The following PCSK2 variants were observed in gnomAD, a reference collection of about 807,000 sequenced individuals.
PCSK2 encodes proprotein convertase subtilisin/kexin type 2, also known as neuroendocrine convertase 2.
A neutral mutation model predicts 69.7 loss-of-function variants in PCSK2; 14 were observed. The ratio of observed to expected loss-of-function variants is 0.20; its 90% CI spans 0.13 to 0.31. The LOEUF (loss-of-function observed/expected upper bound fraction) is 0.31, where lower values mean the gene tolerates loss of function less well. PCSK2 is among the 10% of genes least tolerant of loss of function. The probability of loss-of-function intolerance (pLI) is 1.00; values close to 1 mark genes in which losing one functional copy is unlikely to be tolerated. For synonymous variants in PCSK2, 307 were observed against 320.7 expected (o/e 0.96, Z 0.46); for missense variants, 544 against 842.5 (o/e 0.65, Z 4.39).
At chr20:17,392,732 A>G (rs1395778320) in intron 5 of PCSK2, among the ~76,000 whole-genome samples, 3 of 152,174 alleles carry the variant, frequency 2.0e-5, no homozygotes, top group East Asian at 3.9e-4. Flanking sequence ...TTCTTTATCA[A>G]TGTGGTTGCA....
intron 2 of PCSK2, among the ~76,000 whole-genome samples, chr20:17,294,405 C>T (rs561182668): frequency 8.9e-4 from 135 of 152,344 alleles, no homozygotes; most frequent in African/African-American, 3.1e-3. Context: ...CGCGCCCGGC[C>T]TGCAGTCCTC....
At chr20:17,268,031 G>GTATATATATATATATATATATATA (rs750234336) in intron 2 of PCSK2, among the ~76,000 whole-genome samples, 3 of 117,900 alleles carry the variant, frequency 2.5e-5, no homozygotes, top group Non-Finnish European at 5.7e-5. Flanking sequence ...TATATCCAAT[G>GTATATATATATATATATATATATA]TGTATATATA....
intron 2 of PCSK2, among the ~76,000 whole-genome samples, chr20:17,277,750 A>T (rs1056858585): frequency 6.6e-6 from 1 of 152,024 alleles, no homozygotes; most frequent in Non-Finnish European, 1.5e-5. Context: ...GCTTCTGCAC[A>T]GCAAAAGAAA....
chr20:17,451,527 C>T (rs1216560472), intron 8 of PCSK2, among the ~76,000 whole-genome samples: 1 of 152,100 alleles, frequency 6.6e-6, no homozygotes, highest in Non-Finnish European at 1.5e-5. Flanking sequence ...CAACGGAGTT[C>T]TGGGAGAGAT....
chr20:17,434,079 C>A lies in PCSK2; in HGVS notation c.710-2629C>A, dbSNP rs145743731. Among the ~76,000 whole-genome samples, 336 of 145,096 alleles carry A rather than the reference C, an allele frequency of 2.3e-3. 4 individuals carry two copies. The highest frequency in any genetic ancestry group is 0.021 in the Admixed American group (312 of 14,628). ...CTCTCTCTCTGTCCTCTCCTTCTCT[C>A]TCTACCTTCTCTCTCTCTCCCACTC... On this transcript the variant is annotated intron_variant, in intron 7 of 11. Transcript: ENST00000262545.
intron 6 of PCSK2, among the ~76,000 whole-genome samples, chr20:17,415,386 C>T (rs981853122): frequency 6.6e-6 from 1 of 152,142 alleles, no homozygotes; most frequent in African/African-American, 2.4e-5. Context: ...TTTCTATACA[C>T]CAATAACAGA....
At chr20:17,479,230 A>G in intron 11 of PCSK2, 6 of 1,291,454 alleles carry the variant, frequency 4.6e-6, no homozygotes, top group Non-Finnish European at 6.7e-6. Context: ...ACCACTGCAC[A>G]TTTCACAATA....
At chr20:17,347,789 AAAGAAAGAAAGAAAG>A (rs1990689929) in intron 2 of PCSK2, among the ~76,000 whole-genome samples, 2 of 20,898 alleles carry the variant, frequency 9.6e-5, no homozygotes, top group East Asian at 7.1e-4. Context: ...CACATAGACG[AAAGAAAGAAAGAAAG>A]AAAGAAAGAA....
At chr20:17,378,482 T>C (rs1302178506) in intron 5 of PCSK2, among the ~76,000 whole-genome samples, 1 of 152,220 alleles carries the variant, frequency 6.6e-6, no homozygotes, top group Non-Finnish European at 1.5e-5. Context: ...ACCAGGGTAA[T>C]GTCTTCCAAC....
intron 5 of PCSK2, among the ~76,000 whole-genome samples, chr20:17,395,414 T>A (rs6075204): frequency 6.6e-6 from 1 of 152,200 alleles, no homozygotes; most frequent in Non-Finnish European, 1.5e-5. Flanking sequence ...CACAGTCTTG[T>A]ACATTTTTTT....
rs141041334 is a variant in PCSK2 at position 17,302,903 on chromosome 20, T to C, written c.282+42559T>C. On this transcript the variant is annotated intron_variant, in intron 2 of 11. Coordinates refer to ENST00000262545, the MANE Select transcript of PCSK2 (RefSeq NM_002594.5). ...GAGCTCCCTTCCTTGTTTTTGAACA[T>C]GGAGATATATTTAATATTACCCTTT... Among the ~76,000 whole-genome samples, 24 of 152,314 alleles carry C rather than the reference T, an allele frequency of 1.6e-4. No individual in the cohort carries two copies. The East Asian group carries it at 4.4e-3, about 28-fold the overall frequency.
chr20:17,304,228 A>G (rs1419533824), intron 2 of PCSK2, among the ~76,000 whole-genome samples: 1 of 152,130 alleles, frequency 6.6e-6, no homozygotes, highest in African/African-American at 2.4e-5. Context: ...TTTTATTATG[A>G]CCTATTGTAA....
chr20:17,291,121 T>C (rs1988680152), intron 2 of PCSK2, among the ~76,000 whole-genome samples: 1 of 151,262 alleles, frequency 6.6e-6, no homozygotes, highest in South Asian at 2.1e-4. Flanking sequence ...TCAAAAATAA[T>C]ATATATAGGT....
chr20:17,287,097 A>G (rs1988537849), intron 2 of PCSK2, among the ~76,000 whole-genome samples: 1 of 152,102 alleles, frequency 6.6e-6, no homozygotes, highest in African/African-American at 2.4e-5. Flanking sequence ...AGACCCACCC[A>G]TATTTTGAGG....
At chr20:17,327,323 C>T (rs565460437) in intron 2 of PCSK2, among the ~76,000 whole-genome samples, 2 of 152,160 alleles carry the variant, frequency 1.3e-5, no homozygotes, top group Non-Finnish European at 2.9e-5. Flanking sequence ...AAGAAGTCTG[C>T]TCCCGGTGGG....
intron 1 of PCSK2, among the ~76,000 whole-genome samples, chr20:17,236,790 C>G (rs994552967): frequency 5.3e-5 from 8 of 152,074 alleles, no homozygotes; most frequent in Admixed American, 1.3e-4. Flanking sequence ...AAAAAATTGG[C>G]AGGGGAAGTC....
At chr20:17,388,666 C>T (rs1011729699) in intron 5 of PCSK2, among the ~76,000 whole-genome samples, 1 of 152,028 alleles carries the variant, frequency 6.6e-6, no homozygotes, top group Non-Finnish European at 1.5e-5. Flanking sequence ...ACAGGAAATT[C>T]AGGAGGGGAG....
intron 2 of PCSK2, among the ~76,000 whole-genome samples, chr20:17,286,739 G>T (rs1416060376): frequency 6.6e-6 from 1 of 152,174 alleles, no homozygotes; most frequent in Non-Finnish European, 1.5e-5. Context: ...CTTTGCTCAT[G>T]AATTGCAGAA....
intron 2 of PCSK2, among the ~76,000 whole-genome samples, chr20:17,319,857 A>G (rs984330710): frequency 1.3e-5 from 2 of 152,200 alleles, no homozygotes; most frequent in African/African-American, 2.4e-5. Context: ...AAATTCAGAA[A>G]GGTGACTTTT....
Sources: allele counts gnomAD v4.1 joint callset (sites outside exome capture counted in the v4.1 genomes callset), GRCh38; gene constraint gnomAD v4.1.1; transcripts MANE v1.5; gene names NCBI Gene and HGNC (gene_info 2026-07-23, HGNC 2026-07-21).